The following KIAA1328 variants were observed in gnomAD, a reference collection of about 807,000 sequenced individuals.
The protein encoded by KIAA1328 is KIAA1328, also known as protein hinderin.
A neutral mutation model predicts 68.1 loss-of-function variants in KIAA1328; 52 were observed. The observed-to-expected ratio is 0.76, with a 90% CI of 0.61 to 0.96. The LOEUF is 0.96. Ranked by LOEUF, KIAA1328 falls within the 40% of genes least tolerant of loss-of-function variation. KIAA1328 has a pLI of 0.00. For synonymous variants in KIAA1328, 232 were observed against 239.4 expected (o/e 0.97, Z 0.28); for missense variants, 641 against 677.6 (o/e 0.95, Z 0.60).
intron 7 of KIAA1328, among the ~76,000 whole-genome samples, chr18:37,085,678 T>C (rs1358863007): frequency 6.6e-6 from 1 of 152,224 alleles, no homozygotes; most frequent in African/African-American, 2.4e-5. Context: ...AACAGACTTA[T>C]GTAGTCATTA....
intron 6 of KIAA1328, among the ~76,000 whole-genome samples, chr18:37,058,243 C>G (rs1466660719): frequency 1.3e-5 from 2 of 152,048 alleles, no homozygotes; most frequent in Non-Finnish European, 2.9e-5. Flanking sequence ...CACCTGAGAC[C>G]CCTTCCTCGT....
chr18:37,186,094 C>CTTTTTTTTTTTT (rs748423012), intron 9 of KIAA1328, among the ~76,000 whole-genome samples: 4 of 90,436 alleles, frequency 4.4e-5, no homozygotes, highest in Admixed American at 1.4e-4. Context: ...TCAAGGATGT[C>CTTTTTTTTTTTT]TTTTTTTTTT....
intron 6 of KIAA1328, among the ~76,000 whole-genome samples, chr18:37,013,316 A>G (rs909498886): frequency 3.9e-5 from 6 of 152,154 alleles, no homozygotes; most frequent in African/African-American, 1.4e-4. Flanking sequence ...ACTTCCTCAT[A>G]TATAAAATGG....
At chr18:36,954,270 T>C (rs563894523) in intron 5 of KIAA1328, among the ~76,000 whole-genome samples, 2 of 152,294 alleles carry the variant, frequency 1.3e-5, no homozygotes, top group South Asian at 4.1e-4. Context: ...CCAAGTCTGA[T>C]TGTTTCTTAC....
At chr18:36,997,821 G>A (rs1278722073) in intron 6 of KIAA1328, among the ~76,000 whole-genome samples, 2 of 152,150 alleles carry the variant, frequency 1.3e-5, no homozygotes, top group Non-Finnish European at 2.9e-5. Context: ...TTGGGACTTG[G>A]TTGTGAGATA....
intron 6 of KIAA1328, among the ~76,000 whole-genome samples, chr18:36,984,702 TC>T (rs1273774151): frequency 6.6e-6 from 1 of 151,840 alleles, no homozygotes; most frequent in African/African-American, 2.4e-5. Context: ...AGTCAAGAGA[TC>T]GAGGCCATCC....
chr18:36,968,181 C>G (rs1289445087), intron 6 of KIAA1328, among the ~76,000 whole-genome samples: 2 of 152,098 alleles, frequency 1.3e-5, no homozygotes, highest in Non-Finnish European at 2.9e-5. Flanking sequence ...AGTACACAGA[C>G]CAGTGACACT....
intron 4 of KIAA1328, among the ~76,000 whole-genome samples, chr18:36,884,243 A>G (rs2048421821): frequency 6.6e-6 from 1 of 152,158 alleles, no homozygotes; most frequent in Non-Finnish European, 1.5e-5. Flanking sequence ...CTTCATGTGT[A>G]TGTATTTGTT....
At chr18:36,942,871 G>A (rs935183986) in intron 5 of KIAA1328, among the ~76,000 whole-genome samples, 1 of 152,112 alleles carries the variant, frequency 6.6e-6, no homozygotes, top group Non-Finnish European at 1.5e-5. Flanking sequence ...TGACTTGATC[G>A]ACACATATGT....
chr18:37,044,993 T>G (rs1170552341), intron 6 of KIAA1328, among the ~76,000 whole-genome samples: 3 of 152,108 alleles, frequency 2.0e-5, no homozygotes, highest in Non-Finnish European at 4.4e-5. Flanking sequence ...TAAGTTATTG[T>G]CAAGTAGTGG....
At chr18:37,094,473 C>A (rs1468054882) in intron 7 of KIAA1328, among the ~76,000 whole-genome samples, 2 of 152,160 alleles carry the variant, frequency 1.3e-5, no homozygotes, top group African/African-American at 4.8e-5. Flanking sequence ...CTTCATGACT[C>A]TCATTCACAT....
chr18:37,041,733 A>G (rs960602711), intron 6 of KIAA1328, among the ~76,000 whole-genome samples: 2 of 151,856 alleles, frequency 1.3e-5, no homozygotes, highest in Non-Finnish European at 2.9e-5. Flanking sequence ...GCTTCTAAAA[A>G]TCATTGCTTT....
intron 5 of KIAA1328, among the ~76,000 whole-genome samples, chr18:36,945,954 T>G (rs1333812983): frequency 6.6e-6 from 1 of 152,208 alleles, no homozygotes; most frequent in African/African-American, 2.4e-5. Context: ...TTTTAGATCT[T>G]GCGGTATTTG....
At chr18:37,056,130 G>GT (rs1204714941) in intron 6 of KIAA1328, among the ~76,000 whole-genome samples, 1 of 152,040 alleles carries the variant, frequency 6.6e-6, no homozygotes, top group Non-Finnish European at 1.5e-5. Context: ...TACTGCAATT[G>GT]TTTTTTGACA....
chr18:37,215,690 T>C (rs550317459), intron 9 of KIAA1328, among the ~76,000 whole-genome samples: 1 of 152,348 alleles, frequency 6.6e-6, no homozygotes, highest in South Asian at 2.1e-4. Flanking sequence ...ATTCCCTCTT[T>C]TTCTATTGAT....
At chr18:36,863,085 G>A (rs2047620861) in intron 4 of KIAA1328, among the ~76,000 whole-genome samples, 1 of 151,954 alleles carries the variant, frequency 6.6e-6, no homozygotes, top group African/African-American at 2.4e-5. Flanking sequence ...TATGTACTTT[G>A]CAAATACTTT....
chr18:36,869,328 C>T (rs1197248384), intron 4 of KIAA1328, among the ~76,000 whole-genome samples: 1 of 152,114 alleles, frequency 6.6e-6, no homozygotes, highest in Non-Finnish European at 1.5e-5. Flanking sequence ...TGGTTCTAAC[C>T]AGACCCTACC....
chr18:37,220,936 C>T (rs1422738899), intron 9 of KIAA1328, among the ~76,000 whole-genome samples: 3 of 152,212 alleles, frequency 2.0e-5, no homozygotes, highest in African/African-American at 7.2e-5. Flanking sequence ...AAGCGATTCT[C>T]CTGCCTCAGC....
chr18:37,175,719 T>A (rs552879289), intron 9 of KIAA1328, among the ~76,000 whole-genome samples: 1 of 152,306 alleles, frequency 6.6e-6, no homozygotes, highest in South Asian at 2.1e-4. Context: ...GACATTTTTT[T>A]AAATAGACTA....
Sources: gnomAD v4.1 joint callset for allele counts (sites outside exome capture counted in the v4.1 genomes callset) on GRCh38, gnomAD v4.1.1 for gene constraint, MANE v1.5 for transcripts, NCBI Gene and HGNC (gene_info 2026-07-23, HGNC 2026-07-21) for gene names.